The following LRCH1 variants were observed in gnomAD, a reference collection of about 807,000 sequenced individuals.
The protein encoded by LRCH1 is leucine rich repeats and calponin homology domain containing 1.
Under a neutral mutation model 94.9 loss-of-function variants are expected in LRCH1, and 23 were observed. That is an observed-to-expected ratio of 0.24 (90% CI 0.17 to 0.34). The LOEUF is 0.34. LRCH1 is among the 10% of genes least tolerant of loss of function. The pLI, the probability that LRCH1 is intolerant of heterozygous loss-of-function variation, is 1.00. For synonymous variants in LRCH1, 364 were observed against 354.9 expected (o/e 1.03, Z -0.29); for missense variants, 790 against 945.9 (o/e 0.84, Z 2.16).
At chr13:46,611,291 G>A (rs1456240502) in intron 1 of LRCH1, among the ~76,000 whole-genome samples, 1 of 152,128 alleles carries the variant, frequency 6.6e-6, no homozygotes, top group Non-Finnish European at 1.5e-5. Flanking sequence ...CATTATTTGG[G>A]CCTGAGCTGT....
intron 19 of LRCH1, 71 bp from the exon 20 acceptor site, chr13:46,741,571 T>C (rs1873654489): frequency 6.3e-7 from 1 of 1,592,882 alleles, no homozygotes; most frequent in Non-Finnish European, 8.6e-7. Flanking sequence ...TGCTTCTTTC[T>C]AGCTGTTCCT....
At chr13:46,707,049 T>G (rs1288493252) in intron 13 of LRCH1, among the ~76,000 whole-genome samples, 1 of 152,218 alleles carries the variant, frequency 6.6e-6, no homozygotes, top group South Asian at 2.1e-4. Flanking sequence ...TGATAACATA[T>G]TTTCATCTAA....
intron 13 of LRCH1, among the ~76,000 whole-genome samples, chr13:46,708,820 G>A (rs979405619): frequency 6.6e-5 from 10 of 152,132 alleles, no homozygotes; most frequent in African/African-American, 2.2e-4. Flanking sequence ...CGTACTTATT[G>A]ATCTCCTCTT....
chr13:46,647,976 G>A (rs905490627), intron 1 of LRCH1, among the ~76,000 whole-genome samples: 2 of 152,022 alleles, frequency 1.3e-5, no homozygotes, highest in Non-Finnish European at 1.5e-5. Flanking sequence ...GTGGGGGATG[G>A]TTTCAGGATG....
chr13:46,600,182 C>T (rs545146567), intron 1 of LRCH1, among the ~76,000 whole-genome samples: 227 of 152,312 alleles, frequency 1.5e-3, no homozygotes, highest in Middle Eastern at 0.01. Context: ...CCACCACACC[C>T]GGCCAGGCTT....
chr13:46,654,149 C>T (rs1286807715), intron 2 of LRCH1, among the ~76,000 whole-genome samples: 1 of 152,164 alleles, frequency 6.6e-6, no homozygotes, highest in Non-Finnish European at 1.5e-5. Context: ...TTGAAGTCTT[C>T]TCAGATGTTG....
At chr13:46,609,277 A>G (rs1197535216) in intron 1 of LRCH1, among the ~76,000 whole-genome samples, 6 of 152,180 alleles carry the variant, frequency 3.9e-5, no homozygotes, top group African/African-American at 1.4e-4. Context: ...GGACAGAGTT[A>G]TAGGGTTTTT....
chr13:46,744,869 G>A lies in LRCH1; in HGVS notation c.*3021G>A. On this transcript the variant is annotated 3_prime_UTR_variant, in exon 20 of 20. Coordinates refer to ENST00000389797, the MANE Select transcript of LRCH1 (RefSeq NM_001164211.2). ...AATTAGGCTTCGTATTTCAAAATTAGTTCTCAATAAACAATCAATTTGGTA... is the reference window on the plus strand; with the variant it reads ...AATTAGGCTTCGTATTTCAAAATTAATTCTCAATAAACAATCAATTTGGTA... 2 of 984,348 alleles carry A rather than the reference G, an allele frequency of 2.0e-6. No individual in the cohort carries two copies. Among genetic ancestry groups the A allele is most frequent in the Non-Finnish European group, 2.4e-6 (2 of 829,276 alleles). The allele number at this position is 984,348 out of a possible 1,614,324, so 61.0% of individuals were successfully genotyped here.
intron 1 of LRCH1, among the ~76,000 whole-genome samples, chr13:46,645,995 C>G (rs1245550004): frequency 6.6e-6 from 1 of 152,168 alleles, no homozygotes; most frequent in Non-Finnish European, 1.5e-5. Context: ...CTGAAGGAAA[C>G]CACACATATA....
In LRCH1 at chr13:46,617,509, C is replaced by T. The variant is rs149970102; in HGVS notation, c.308-32692C>T. Among the ~76,000 whole-genome samples the T allele has an allele frequency of 2.8e-3, 425 of 152,292 alleles. 4 individuals are homozygous for T. Among genetic ancestry groups the T allele is most frequent in the African/African-American group, 9.7e-3 (403 of 41,548 alleles). On this transcript the variant is annotated intron_variant, in intron 1 of 19. Coordinates refer to ENST00000389797, the MANE Select transcript of LRCH1 (RefSeq NM_001164211.2). Reference sequence around the variant, plus strand: ...GTGAGCTGCACATTCCTATTTGCTCCGCAGGGAGGCTGGCTAAGACACCCG... The same window carrying T: ...GTGAGCTGCACATTCCTATTTGCTCTGCAGGGAGGCTGGCTAAGACACCCG...
At chr13:46,643,018 A>G (rs1295114365) in intron 1 of LRCH1, among the ~76,000 whole-genome samples, 2 of 152,230 alleles carry the variant, frequency 1.3e-5, no homozygotes, top group Non-Finnish European at 2.9e-5. Flanking sequence ...AAGCATATTT[A>G]TAATAGAATT....
intron 19 of LRCH1, among the ~76,000 whole-genome samples, chr13:46,740,897 A>G (rs1262013445): frequency 6.6e-6 from 1 of 152,136 alleles, no homozygotes; most frequent in Non-Finnish European, 1.5e-5. Flanking sequence ...TAGATAAAAC[A>G]CAGAGGTCTA....
intron 1 of LRCH1, among the ~76,000 whole-genome samples, chr13:46,637,951 G>A (rs921654657): frequency 2.0e-5 from 3 of 152,158 alleles, no homozygotes; most frequent in Non-Finnish European, 4.4e-5. Context: ...ACAGAAAAGC[G>A]TAATTAATTG....
chr13:46,745,676 C>G (rs1334314365), downstream of LRCH1, among the ~76,000 whole-genome samples: 2 of 152,174 alleles, frequency 1.3e-5, no homozygotes, highest in African/African-American at 4.8e-5. Flanking sequence ...GAACTTAAAG[C>G]TCTCGTACAT....
At chr13:46,603,569 G>A (rs754350760) in intron 1 of LRCH1, among the ~76,000 whole-genome samples, 10 of 152,174 alleles carry the variant, frequency 6.6e-5, no homozygotes, top group Admixed American at 1.3e-4. Context: ...CTAGGTAACC[G>A]AGTCAATAGT....
chr13:46,634,315 C>T (rs990486821), intron 1 of LRCH1, among the ~76,000 whole-genome samples: 13 of 152,336 alleles, frequency 8.5e-5, no homozygotes, highest in Middle Eastern at 3.4e-3. Flanking sequence ...TCACAAATGT[C>T]TTCCCTGGCG....
chr13:46,750,174 CA>C (rs748012265), intron 18 of LRCH1, among the ~76,000 whole-genome samples: 4 of 152,084 alleles, frequency 2.6e-5, no homozygotes, highest in Non-Finnish European at 4.4e-5. Context: ...TAAAATGTGT[CA>C]GGGGCTATTT....
chr13:46,698,890 C>CCTAT (rs2138176067), intron 9 of LRCH1, among the ~76,000 whole-genome samples: 1 of 152,300 alleles, frequency 6.6e-6, no homozygotes, highest in East Asian at 1.9e-4. Flanking sequence ...CGTTGTGCAG[C>CCTAT]CTATCTCCAG....
chr13:46,709,341 G>T (rs1871936850), intron 13 of LRCH1, among the ~76,000 whole-genome samples: 1 of 152,212 alleles, frequency 6.6e-6, no homozygotes. Context: ...GAGTCTGTTT[G>T]TTCCATCAGC....
Sources: allele counts gnomAD v4.1 joint callset (sites outside exome capture counted in the v4.1 genomes callset), GRCh38; gene constraint gnomAD v4.1.1; transcripts MANE v1.5; gene names NCBI Gene and HGNC (gene_info 2026-07-23, HGNC 2026-07-21).